THY1: variants seen among roughly 807,000 people sequenced by gnomAD.
THY1 encodes the protein Thy-1 cell surface antigen.
In THY1, 10 loss-of-function variants were observed where a neutral mutation model predicts 14.9. That is an observed-to-expected ratio of 0.67 (90% CI 0.41 to 1.14). The LOEUF (loss-of-function observed/expected upper bound fraction) is 1.14, where lower values mean the gene tolerates loss of function less well. Ranked by LOEUF, THY1 falls within the 50% of genes most tolerant of loss-of-function variation. The pLI, the probability that THY1 is intolerant of heterozygous loss-of-function variation, is 0.00. For synonymous variants in THY1, 80 were observed against 90.0 expected (o/e 0.89, Z 0.63); for missense variants, 159 against 202.1 (o/e 0.79, Z 1.29).
chr11:119,420,555 C>G (rs1861880297), intron 2 of THY1, 169 bp from the exon 3 acceptor site: 1 of 675,438 alleles, frequency 1.5e-6, no homozygotes, highest in Non-Finnish European at 2.5e-6. Flanking sequence ...CCCAGCCTCC[C>G]TCCCCACTCT....
At chr11:119,420,805 C>G (rs1861885052) in intron 2 of THY1, 64 bp downstream of exon 2, 38 of 1,593,164 alleles carry the variant, frequency 2.4e-5, no homozygotes, top group Non-Finnish European at 2.6e-5. Context: ...GAGGGAGAAG[C>G]TGCTTCTCTG....
Position 119,422,304 on chromosome 11 carries a change from C to T in THY1, c.-25+809G>A, listed in dbSNP as rs138800959. The T allele has an allele frequency of 3.1e-3, 478 of 152,168 alleles. 2 individuals carry two copies. Among genetic ancestry groups the T allele is most frequent in the Non-Finnish European group, 5.4e-3 (370 of 68,136 alleles). 9.4% of individuals were successfully genotyped at this position (152,168 alleles called of 1,614,324 possible). A position where few individuals can be genotyped will look rare whatever the true frequency, so the allele number is the denominator to read the frequency against. ...GAGGACTCTTGTTTGAGATGTTGTGCGGGCTTGGGATCTAGGAGGGGAAGG... is the reference window on the plus strand; with the variant it reads ...GAGGACTCTTGTTTGAGATGTTGTGTGGGCTTGGGATCTAGGAGGGGAAGG... On this transcript the variant is annotated intron_variant, in intron 1 of 3. Coordinates refer to ENST00000284240, the MANE Select transcript of THY1 (RefSeq NM_006288.5). This position sits in a 1 kb window ranked among gnomAD's most constrained non-coding sequence, Gnocchi z 7.0.
rs759563736 is a variant in THY1 at position 119,420,122 on chromosome 11, G to C, written c.302C>G (p.Thr101Ser). Residue 101 changes from threonine to serine, a missense_variant, in exon 3 of 4, where the codon ACC (threonine) becomes AGC (serine). Coordinates refer to ENST00000284240, the MANE Select transcript of THY1 (RefSeq NM_006288.5). ...LSAFTSKDEG[T>S]YTCALHHSGH... Reference sequence around the variant, plus strand: ...AGAGTGGTGGAGTGCACACGTGTAGGTGCCCTCGTCCTTGCTAGTGAAGGC... The same window carrying C: ...AGAGTGGTGGAGTGCACACGTGTAGCTGCCCTCGTCCTTGCTAGTGAAGGC... 24 of 1,614,122 alleles carry C rather than the reference G, an allele frequency of 1.5e-5. No individual in the cohort carries two copies. The highest frequency in any genetic ancestry group is 1.9e-5 in the Non-Finnish European group (22 of 1,180,052).
intron 3 of THY1, chr11:119,419,781 C>T: frequency 6.7e-6 from 4 of 598,354 alleles, no homozygotes; most frequent in Non-Finnish European, 1.2e-5. Context: ...GTGGTGTCAT[C>T]CCTGTTTTCC....
At position 119,416,920 on chromosome 11, in the gene THY1, C is replaced by T. The variant is rs1437112041; in HGVS notation, c.*2488G>A. ...TGGCTGCAGAGGGCAACACCATCTC[C>T]CAGCACCCTTCTAAGAGTGTGGCTG... On this transcript the variant is annotated 3_prime_UTR_variant, in exon 4 of 4. Transcript: ENST00000284240. 1.3e-5 allele frequency among the ~76,000 whole-genome samples: 2 copies of T among 152,234 alleles called. No homozygotes were observed. The highest frequency in any genetic ancestry group is 1.5e-5 in the Non-Finnish European group (1 of 68,048).
At chr11:119,420,694 C>A in intron 2 of THY1, 175 bp downstream of exon 2, 4 of 856,716 alleles carry the variant, frequency 4.7e-6, no homozygotes, top group Non-Finnish European at 7.4e-6. Flanking sequence ...ACTGTGTTTT[C>A]AAAAACCACC....
chr11:119,423,514 C>T (rs1861956279), upstream of THY1: 1 of 291,946 alleles, frequency 3.4e-6, no homozygotes. Flanking sequence ...ACCTATTCTT[C>T]AGGAGTCTGT....
In THY1 at chr11:119,420,371, C is replaced by CG. The variant is rs781179818; in HGVS notation, c.52dup (p.Arg18ProfsTer24). The CG allele has an allele frequency of 6.2e-7, 1 of 1,611,540 alleles. No homozygotes were observed. The highest frequency in any genetic ancestry group is 8.5e-7 in the Non-Finnish European group (1 of 1,179,046). On this transcript the variant is annotated frameshift_variant, in exon 3 of 4. Coordinates refer to ENST00000284240, the MANE Select transcript of THY1 (RefSeq NM_006288.5). LOFTEE classifies it high-confidence loss of function. ...CGTTAGGCTGGTCACCTTCTGCCCT[C>CG]GGGAGACCTGCAAGACTGGCACCAG...
rs1294077013 is a variant in THY1, at chr11:119,418,368, G to T, written c.*1040C>A. On this transcript the variant is annotated 3_prime_UTR_variant, in exon 4 of 4. Transcript: ENST00000284240. The stretch of plus-strand genomic sequence containing the variant: ...TCCATGGCTTGCCTCAGGCCCCGCA[G>T]AAGTCCCTGAGAAGGCAGGCCTGCG... 2 of 152,318 alleles carry T rather than the reference G, an allele frequency of 1.3e-5. No individual in the cohort carries two copies. Among genetic ancestry groups the T allele is most frequent in the Non-Finnish European group, 2.9e-5 (2 of 68,110 alleles). 9.4% of individuals were successfully genotyped at this position (152,318 alleles called of 1,614,324 possible). A position where few individuals can be genotyped will look rare whatever the true frequency, so the allele number is the denominator to read the frequency against.
Position 119,418,801 on chromosome 11 carries a change from G to T in THY1, c.*607C>A, listed in dbSNP as rs1861832595. 6.2e-6 allele frequency: 1 copy of T among 161,760 alleles called. No homozygotes were observed. Among genetic ancestry groups the T allele is most frequent in the Non-Finnish European group, 1.4e-5 (1 of 73,832 alleles). 10.0% of individuals were successfully genotyped at this position (161,760 alleles called of 1,614,324 possible). A position where few individuals can be genotyped will look rare whatever the true frequency, so the allele number is the denominator to read the frequency against. On this transcript the variant is annotated 3_prime_UTR_variant, in exon 4 of 4. Transcript: ENST00000284240. ...GACTTCCACAGTGGTAAGGAGGGCT[G>T]CCCTTTTTATTTTTTTTTGGTTGTG...
chr11:119,423,279 AG>A (rs1861950663), upstream of THY1: 3 of 146,188 alleles, frequency 2.1e-5, no homozygotes, highest in East Asian at 7.8e-4. Context: ...AAAGGACGGC[AG>A]GGTGGGGTGG....
Position 119,419,103 on chromosome 11 carries a change from C to T in THY1, c.*305G>A, listed in dbSNP as rs1757327998. On this transcript the variant is annotated 3_prime_UTR_variant, in exon 4 of 4. Transcript: ENST00000284240. ...CATGCTCTCACTCTCCATCAGGTCCCCAATCCTGGCTTCCCTCTTCACGAA... is the reference window on the plus strand; with the variant it reads ...CATGCTCTCACTCTCCATCAGGTCCTCAATCCTGGCTTCCCTCTTCACGAA... 1 of 380,636 alleles carries T rather than the reference C, an allele frequency of 2.6e-6. No individual in the cohort carries two copies. Among genetic ancestry groups the T allele is most frequent in the Non-Finnish European group, 5.1e-6 (1 of 196,252 alleles). 23.6% of individuals were successfully genotyped at this position (380,636 alleles called of 1,614,324 possible).
rs1161076205 is a variant in THY1 at position 119,415,805 on chromosome 11, C to G, written c.*3603G>C. Among the ~76,000 whole-genome samples, 1 of 152,196 alleles carries G rather than the reference C, an allele frequency of 6.6e-6. No homozygotes were observed. Among genetic ancestry groups the G allele is most frequent in the Non-Finnish European group, 1.5e-5 (1 of 68,034 alleles). On this transcript the variant is annotated 3_prime_UTR_variant, in exon 4 of 4. Coordinates refer to ENST00000284240, the MANE Select transcript of THY1 (RefSeq NM_006288.5). Reference sequence around the variant, plus strand: ...CTGAGAGTGTCCTGAGGCTGAGAGCCCCTGTTGAGCAGAAGAGAGCTGATG... The same window carrying G: ...CTGAGAGTGTCCTGAGGCTGAGAGCGCCTGTTGAGCAGAAGAGAGCTGATG...
intron 3 of THY1, 97 bp downstream of exon 3, chr11:119,419,954 G>T: frequency 1.6e-6 from 2 of 1,280,732 alleles, no homozygotes; most frequent in East Asian, 2.5e-5. Context: ...AGAGCGTTAT[G>T]GGGCTATTCT....
Position 119,419,342 on chromosome 11 carries a change from A to T in THY1, c.*66T>A. 7.1e-7 allele frequency: 1 copy of T among 1,416,864 alleles called. No homozygotes were observed. The highest frequency in any genetic ancestry group is 9.9e-7 in the Non-Finnish European group (1 of 1,013,974). The allele number at this position is 1,416,864 out of a possible 1,614,324, so 87.8% of individuals were successfully genotyped here. ...GGGATTGGGGGGAGGGGGTCAGCTG[A>T]CTCAGAGAAGTAGGATCTCTGCACT... On this transcript the variant is annotated 3_prime_UTR_variant, in exon 4 of 4. Coordinates refer to ENST00000284240, the MANE Select transcript of THY1 (RefSeq NM_006288.5).
rs1392341413 is a variant in THY1, at chr11:119,419,021, C to T, written c.*387G>A. The T allele has an allele frequency of 9.1e-6, 3 of 328,698 alleles. No homozygotes were observed. Among genetic ancestry groups the T allele is most frequent in the Admixed American group, 4.0e-5 (1 of 24,792 alleles). The allele number at this position is 328,698 out of a possible 1,614,324, so 20.4% of individuals were successfully genotyped here. A position where few individuals can be genotyped will look rare whatever the true frequency, so the allele number is the denominator to read the frequency against. On this transcript the variant is annotated 3_prime_UTR_variant, in exon 4 of 4. Coordinates refer to ENST00000284240, the MANE Select transcript of THY1 (RefSeq NM_006288.5). The stretch of plus-strand genomic sequence containing the variant: ...CAAGTCTCTCCCAGGTTTCTGGTCC[C>T]GATGGGCAAGGATGACCCCTCCAGT...
At chr11:119,419,994 G>C in intron 3 of THY1, 57 bp downstream of exon 3, 1 of 1,543,702 alleles carries the variant, frequency 6.5e-7, no homozygotes, top group East Asian at 2.3e-5. Flanking sequence ...GGAACTGCCT[G>C]CTGTCCCCGA....
chr11:119,421,693 C>T (rs1248995873), intron 1 of THY1: 3 of 152,268 alleles, frequency 2.0e-5, no homozygotes, highest in African/African-American at 7.2e-5. Flanking sequence ...CCCTAAGTCA[C>T]TCGCCATCCC....
chr11:119,424,055 G>A (rs1416133164), upstream of THY1: 2 of 152,344 alleles, frequency 1.3e-5, no homozygotes, highest in African/African-American at 4.8e-5. Flanking sequence ...AAGTGGGAGA[G>A]CTGGAGAACT....
Sources: allele counts gnomAD v4.1 joint callset (sites outside exome capture counted in the v4.1 genomes callset), GRCh38; gene constraint gnomAD v4.1.1; non-coding constraint Gnocchi (gnomAD v3.1); transcripts MANE v1.5; gene names NCBI Gene and HGNC (gene_info 2026-07-23, HGNC 2026-07-21).